Variants in TRMT11 observed in about 807,000 individuals in gnomAD.
TRMT11 encodes tRNA (guanine(10)-N(2))-methyltransferase TRMT11.
In TRMT11, 53 loss-of-function variants were observed where a neutral mutation model predicts 62.8. That is an observed-to-expected ratio of 0.84 (90% confidence interval 0.68 to 1.06). The LOEUF (loss-of-function observed/expected upper bound fraction) is 1.06. Ranked by LOEUF, TRMT11 falls within the 50% of genes least tolerant of loss-of-function variation. TRMT11 has a pLI of 0.00. For synonymous variants in TRMT11, 188 were observed against 190.3 expected, an observed-to-expected ratio of 0.99 and a Z score of 0.10; for missense variants, 556 against 553.4, an observed-to-expected ratio of 1.00 and a Z score of -0.05.
chr6:126,047,025 C>G (rs976259364), intron 16 of TRMT11, among the ~76,000 whole-genome samples: 3 of 151,950 alleles, frequency 2.0e-5, no homozygotes, highest in Non-Finnish European at 2.9e-5. Context: ...AGGAGATACC[C>G]TTCATCCAGA....
intron 6 of TRMT11, 147 bp downstream of exon 6, chr6:125,998,831 T>C (rs2128763485): frequency 2.7e-6 from 2 of 728,384 alleles, no homozygotes; most frequent in Middle Eastern, 7.3e-4. Context: ...TATGTGATTA[T>C]GTTTTGTTTT....
intron 17 of TRMT11, among the ~76,000 whole-genome samples, chr6:126,088,071 T>C (rs1457447268): frequency 1.3e-5 from 2 of 152,076 alleles, no homozygotes; most frequent in Non-Finnish European, 2.9e-5. Context: ...TGACCATTAT[T>C]AGCACAATGT....
chr6:126,004,522 T>C (rs1177937353), intron 7 of TRMT11, among the ~76,000 whole-genome samples: 2 of 152,064 alleles, frequency 1.3e-5, no homozygotes, highest in African/African-American at 4.8e-5. Context: ...ACACAGGTCT[T>C]AAGCACAGTT....
chr6:126,148,097 AAG>A, intron 21 of TRMT11, among the ~76,000 whole-genome samples: 1 of 152,302 alleles, frequency 6.6e-6, no homozygotes, highest in Admixed American at 6.5e-5. Context: ...AAAATTTAGA[AAG>A]AGGTTAAATT....
At chr6:126,233,168 A>G in the TRMT11 span, among the ~76,000 whole-genome samples, 149 of 152,330 alleles carry the variant, frequency 9.8e-4, no homozygotes, top group Admixed American at 5.2e-3. Context: ...AAGAGATCAC[A>G]TCTGTGCCTC....
intron 19 of TRMT11, among the ~76,000 whole-genome samples, chr6:126,115,171 G>A (rs190793365): frequency 2.6e-4 from 39 of 152,136 alleles, no homozygotes; most frequent in South Asian, 6.2e-4. Context: ...TGTGCACAGC[G>A]AGAGTGCCTT....
chr6:126,042,578 A>G (rs1159779390), downstream of TRMT11, among the ~76,000 whole-genome samples: 1 of 152,184 alleles, frequency 6.6e-6, no homozygotes, highest in East Asian at 1.9e-4. Flanking sequence ...GTTCTTACTA[A>G]GATAATCATG....
At chr6:126,262,764 A>G in the TRMT11 span, among the ~76,000 whole-genome samples, 64 of 152,282 alleles carry the variant, frequency 4.2e-4, no homozygotes, top group African/African-American at 1.5e-3. Context: ...GTAAGAAGCT[A>G]CCCTGACTGC....
chr6:126,082,789 T>C (rs1777172752), intron 17 of TRMT11, among the ~76,000 whole-genome samples: 1 of 152,158 alleles, frequency 6.6e-6, no homozygotes, highest in Non-Finnish European at 1.5e-5. Flanking sequence ...TCAAAGGTCA[T>C]TGTTTTCAAC....
At chr6:126,198,933 G>A (rs1264426159) in intron 2 of TRMT11, 1 of 152,196 alleles carries the variant, frequency 6.6e-6, no homozygotes, top group African/African-American at 2.4e-5. Flanking sequence ...CATGAAGGGA[G>A]CCTCCCCTGA....
At chr6:126,266,568 GC>G in the TRMT11 span, among the ~76,000 whole-genome samples, 1 of 152,108 alleles carries the variant, frequency 6.6e-6, no homozygotes, top group Non-Finnish European at 1.5e-5. Flanking sequence ...ATATGGGACT[GC>G]CCTTTGCATT....
At chr6:126,196,116 A>C (rs756601181) in intron 1 of TRMT11, among the ~76,000 whole-genome samples, 10 of 152,182 alleles carry the variant, frequency 6.6e-5, no homozygotes, top group Non-Finnish European at 1.5e-4. Flanking sequence ...ATTTAAGCCA[A>C]TGGTTTTCAA....
chr6:126,069,571 C>T (rs921124252), intron 17 of TRMT11, among the ~76,000 whole-genome samples: 2 of 152,144 alleles, frequency 1.3e-5, no homozygotes, highest in Admixed American at 6.5e-5. Context: ...GACCCTTGTC[C>T]GAGCCATGCA....
rs1777313682 is a variant in TRMT11 at position 126,094,096 on chromosome 6, C to A, written c.*1438-18770C>A. ...GCAGTGTAATAGAAAATGTGATACA[C>A]ACACACACACACACACACACCCCAA... On this transcript the variant is annotated intron_variant and NMD_transcript_variant, in intron 17 of 22. Transcript: ENST00000648977. Among the ~76,000 whole-genome samples the A allele has an allele frequency of 1.3e-5, 2 of 150,610 alleles. 1 individual carries two copies. Among genetic ancestry groups the A allele is most frequent in the South Asian group, 4.2e-4 (2 of 4,812 alleles).
Position 126,011,324 on chromosome 6 carries a change from G to C in TRMT11, c.832G>C (p.Gly278Arg), listed in dbSNP as rs1434936801. Residue 278 changes from glycine (G) to arginine (R), a missense_variant, in exon 9 of 13, where the codon GGT becomes CGT. Physicochemically the swap from Gly to Arg is moderately radical, Grantham distance 125. Transcript: ENST00000334379. Reference sequence around the variant, plus strand: ...CATTAGGGCCAATCTTCGTCAATATGGTTTAGAGAAGTATTACCTTGATGT... The same window carrying C: ...CATTAGGGCCAATCTTCGTCAATATCGTTTAGAGAAGTATTACCTTGATGT... ...ENIRANLRQY[G>R]LEKYYLDVLV... is the part of the protein sequence containing the mutation. The C allele has an allele frequency of 1.9e-6, 3 of 1,613,346 alleles. No individual in the cohort carries two copies. The highest frequency in any genetic ancestry group is 2.5e-6 in the Non-Finnish European group (3 of 1,179,562).
the TRMT11 span, among the ~76,000 whole-genome samples, chr6:126,213,645 T>A: frequency 4.6e-5 from 7 of 152,114 alleles, no homozygotes; most frequent in East Asian, 5.8e-4. Flanking sequence ...ATAGTTTTGT[T>A]ACAGAGTCTT....
chr6:126,271,372 A>T, the TRMT11 span, among the ~76,000 whole-genome samples: 1 of 150,038 alleles, frequency 6.7e-6, no homozygotes, highest in Non-Finnish European at 1.5e-5. Flanking sequence ...TCAAAAAAAA[A>T]AAAAAAAAAA....
intron 1 of TRMT11, among the ~76,000 whole-genome samples, chr6:125,992,889 T>G (rs890966886): frequency 1.1e-4 from 16 of 152,294 alleles, no homozygotes; most frequent in African/African-American, 3.6e-4. Context: ...AAAAAATGAT[T>G]TGTTGCATAG....
At position 126,146,901 on chromosome 6, in the gene TRMT11, A is replaced by C. The variant is rs552481123; in HGVS notation, c.*1824-27924A>C. On this transcript the variant is annotated intron_variant and NMD_transcript_variant, in intron 21 of 22. Transcript: ENST00000648977. ...AATTATTTATATTGTTTCTACTAAAAGTGATTATTAGACATAATGTCAAGA... is the reference window on the plus strand; with the variant it reads ...AATTATTTATATTGTTTCTACTAAACGTGATTATTAGACATAATGTCAAGA... Among the ~76,000 whole-genome samples the C allele has an allele frequency of 1.4e-4, 16 of 110,398 alleles. 5 individuals are homozygous for C. Among genetic ancestry groups the C allele is most frequent in the African/African-American group, 5.7e-4 (16 of 28,192 alleles). The allele number at this position is 110,398 out of a possible 152,430, so 72.4% of individuals were successfully genotyped here.
Sources: gnomAD v4.1 joint callset for allele counts (sites outside exome capture counted in the v4.1 genomes callset) on GRCh38, gnomAD v4.1.1 for gene constraint, MANE v1.5 for transcripts, NCBI Gene and HGNC (gene_info 2026-07-23, HGNC 2026-07-21) for gene names.